NME7: variants seen among roughly 807,000 people sequenced by gnomAD.
NME7 encodes the protein NME/NM23 family member 7, also known as nucleoside diphosphate kinase 7.
Under a neutral mutation model 49.1 loss-of-function variants are expected in NME7, and 41 were observed. That is an observed-to-expected ratio of 0.83 (90% CI 0.65 to 1.08). The LOEUF (loss-of-function observed/expected upper bound fraction) is 1.08. Among genes scored for constraint, NME7 ranks in the 50% least tolerant of loss-of-function variants. The pLI is 0.00. For missense variants in NME7, 423 were observed against 463.4 expected, an observed-to-expected ratio of 0.91 and a Z score of 0.80; for synonymous variants, 139 against 150.6, an observed-to-expected ratio of 0.92 and a Z score of 0.56.
intron 10 of NME7, among the ~76,000 whole-genome samples, chr1:169,184,636 T>C (rs994638507): frequency 6.6e-6 from 1 of 152,190 alleles, no homozygotes; most frequent in African/African-American, 2.4e-5. Flanking sequence ...TCTCATTTGT[T>C]AATCTGTCCC....
chr1:169,299,653 A>G (rs1290604819), intron 5 of NME7, among the ~76,000 whole-genome samples: 2 of 151,978 alleles, frequency 1.3e-5, no homozygotes, highest in Non-Finnish European at 2.9e-5. Context: ...TATTTTTTAC[A>G]CACTTCCTTC....
chr1:169,248,322 T>C (rs934591207), intron 7 of NME7, among the ~76,000 whole-genome samples: 6 of 152,222 alleles, frequency 3.9e-5, no homozygotes, highest in African/African-American at 1.4e-4. Context: ...CACATTTTGA[T>C]GGGATTTTTT....
rs548012615 is a variant in NME7, at chr1:169,203,166, G to A, written c.990+27552C>T. On this transcript the variant is annotated intron_variant, in intron 10 of 11. Coordinates refer to ENST00000367811, the MANE Select transcript of NME7 (RefSeq NM_013330.5). ...TCCCCTGACACATGTGCAGTAAGGG[G>A]AACAAAGAAATATGGAGTAAGTCAA... is the stretch of plus-strand genomic sequence containing the variant. Among the ~76,000 whole-genome samples the A allele has an allele frequency of 2.6e-5, 4 of 152,250 alleles. No individual in the cohort carries two copies. In the East Asian group the frequency reaches 7.8e-4, roughly 30 times the overall value.
At chr1:169,168,545 C>G (rs943059112) in intron 11 of NME7, among the ~76,000 whole-genome samples, 13 of 152,182 alleles carry the variant, frequency 8.5e-5, no homozygotes. Flanking sequence ...AATCCTCCCA[C>G]TTAAGCCTCC....
intron 10 of NME7, among the ~76,000 whole-genome samples, chr1:169,171,134 C>T (rs1175178659): frequency 6.6e-6 from 1 of 152,132 alleles, no homozygotes; most frequent in African/African-American, 2.4e-5. Context: ...TGGCCAGGCT[C>T]ATACCTATAA....
chr1:169,234,337 T>C (rs1003127256), intron 9 of NME7, among the ~76,000 whole-genome samples: 1 of 152,162 alleles, frequency 6.6e-6, no homozygotes, highest in Non-Finnish European at 1.5e-5. Context: ...ATTTGGCTTA[T>C]AGCAGATACT....
chr1:169,207,851 G>A (rs1660714945), intron 10 of NME7, among the ~76,000 whole-genome samples: 1 of 152,032 alleles, frequency 6.6e-6, no homozygotes, highest in Non-Finnish European at 1.5e-5. Flanking sequence ...AAATAATGAA[G>A]GCTAGATTTA....
At chr1:169,339,489 G>C (rs1652603946) in intron 1 of NME7, among the ~76,000 whole-genome samples, 1 of 152,114 alleles carries the variant, frequency 6.6e-6, no homozygotes, top group African/African-American at 2.4e-5. Context: ...ATAGAAAATT[G>C]ACTTTATTAT....
chr1:169,334,445 A>T (rs1170794094), intron 1 of NME7, among the ~76,000 whole-genome samples: 1 of 152,210 alleles, frequency 6.6e-6, no homozygotes, highest in Non-Finnish European at 1.5e-5. Context: ...CAAACCTGAC[A>T]AAAACAAGCA....
intron 11 of NME7, 156 bp downstream of exon 11, chr1:169,169,291 C>T (rs1659509006): frequency 5.1e-6 from 3 of 588,608 alleles, no homozygotes; most frequent in Non-Finnish European, 6.0e-6. Context: ...ACCACCAGGG[C>T]ACGTGTATAC....
chr1:169,302,364 T>G (rs934409854), intron 5 of NME7: 1 of 152,084 alleles, frequency 6.6e-6, no homozygotes, highest in Non-Finnish European at 1.5e-5. Flanking sequence ...CAGGCGCCCA[T>G]CAGTGGTGAA....
intron 7 of NME7, among the ~76,000 whole-genome samples, chr1:169,276,942 T>C (rs1452705767): frequency 6.6e-6 from 1 of 150,448 alleles, no homozygotes; most frequent in Non-Finnish European, 1.5e-5. Context: ...CATTTCGTTA[T>C]GTACCCAGTA....
Position 169,317,211 on chromosome 1 carries a change from C to G in NME7, c.278+5906G>C, listed in dbSNP as rs531089582. Among the ~76,000 whole-genome samples, 4 of 152,096 alleles carry G rather than the reference C, an allele frequency of 2.6e-5. No homozygotes were observed. The South Asian group carries it at 8.3e-4, about 32-fold the overall frequency. Reference sequence around the variant, plus strand: ...AGATGGCAAAAAGATATTAATTAACCCAAATACGCTATCAATCAAACCCTT... The same window carrying G: ...AGATGGCAAAAAGATATTAATTAACGCAAATACGCTATCAATCAAACCCTT... On this transcript the variant is annotated intron_variant, in intron 3 of 11. Transcript: ENST00000367811.
intron 1 of NME7, among the ~76,000 whole-genome samples, chr1:169,334,049 C>T (rs974727343): frequency 1.3e-5 from 2 of 152,050 alleles, no homozygotes; most frequent in Non-Finnish European, 2.9e-5. Context: ...CAAAAGTGCT[C>T]CCTTCTTTAA....
chr1:169,134,760 A>T (rs1447626911), intron 11 of NME7, among the ~76,000 whole-genome samples: 2 of 152,110 alleles, frequency 1.3e-5, no homozygotes, highest in African/African-American at 4.8e-5. Context: ...CAGTAAAATA[A>T]ATTTGTTCAA....
chr1:169,300,491 G>A (rs1331352832), intron 5 of NME7, among the ~76,000 whole-genome samples: 1 of 151,930 alleles, frequency 6.6e-6, no homozygotes, highest in Admixed American at 6.6e-5. Flanking sequence ...ACAGTCTTTG[G>A]CAACAGTAAT....
chr1:169,286,430 C>G (rs1024977834), intron 7 of NME7: 4 of 151,820 alleles, frequency 2.6e-5, no homozygotes, highest in African/African-American at 7.3e-5. Flanking sequence ...TAACCATACC[C>G]CATCTTACTT....
In NME7 at chr1:169,305,577, G is replaced by T. The variant is rs12063495; in HGVS notation, c.390-2382C>A. Among the ~76,000 whole-genome samples the T allele has an allele frequency of 2.6e-5, 4 of 152,152 alleles. No homozygotes were observed. In the East Asian group the frequency reaches 7.7e-4, roughly 29 times the overall value. Reference sequence around the variant, plus strand: ...GACCTGACTGATCTTCATCGGTGTCGTTTCTCAGGATTGTGTTTGCAACAA... The same window carrying T: ...GACCTGACTGATCTTCATCGGTGTCTTTTCTCAGGATTGTGTTTGCAACAA... On this transcript the variant is annotated intron_variant, in intron 4 of 11. Transcript: ENST00000367811.
chr1:169,295,057 T>C (rs747701694), intron 6 of NME7, among the ~76,000 whole-genome samples: 1 of 152,166 alleles, frequency 6.6e-6, no homozygotes, highest in Non-Finnish European at 1.5e-5. Context: ...TCTCTTACCA[T>C]GTGATCTGTG....
Sources: allele counts gnomAD v4.1 joint callset (sites outside exome capture counted in the v4.1 genomes callset), GRCh38; gene constraint gnomAD v4.1.1; transcripts MANE v1.5; gene names NCBI Gene and HGNC (gene_info 2026-07-23, HGNC 2026-07-21).